The following METTL15 variants were observed in gnomAD, a reference collection of about 807,000 sequenced individuals.
METTL15 encodes 12S rRNA N(4)-cytidine methyltransferase METTL15.
Under a neutral mutation model 38.3 loss-of-function variants are expected in METTL15, and 34 were observed. That is an observed-to-expected ratio of 0.89 (90% confidence interval 0.68 to 1.18). The LOEUF (loss-of-function observed/expected upper bound fraction) is 1.18. METTL15 is among the 50% of genes most tolerant of loss of function. METTL15 has a pLI of 0.00. For synonymous variants in METTL15, 162 were observed against 170.9 expected (o/e 0.95, Z 0.41); for missense variants, 438 against 498.4 (o/e 0.88, Z 1.15).
intron 3 of METTL15, among the ~76,000 whole-genome samples, chr11:28,209,602 A>G (rs1206747231): frequency 1.3e-5 from 2 of 152,036 alleles, no homozygotes; most frequent in African/African-American, 2.4e-5. Flanking sequence ...CCACATTTAC[A>G]TCTTTTTATA....
chr11:28,143,471 A>T (rs540398312), intron 3 of METTL15, among the ~76,000 whole-genome samples: 2 of 152,150 alleles, frequency 1.3e-5, no homozygotes, highest in East Asian at 3.9e-4. Context: ...TTTTTCAAAA[A>T]CTACTGAAGA....
intron 4 of METTL15, among the ~76,000 whole-genome samples, chr11:28,287,031 TC>T (rs1269237114): frequency 6.6e-6 from 1 of 150,860 alleles, no homozygotes; most frequent in Non-Finnish European, 1.5e-5. Flanking sequence ...ATATGTACTC[TC>T]CGCACTATAT....
rs534520114 is a variant in METTL15 at position 28,377,645 on chromosome 11, T to A, written c.*358+15609T>A. ...CAGAGTAATTTGATCGTCTGAAGCC[T>A]TCTTCTCTCAGCTCGTCAAAGTCAT... On this transcript the variant is annotated intron_variant and NMD_transcript_variant, in intron 5 of 7. Transcript: ENST00000532947. Among the ~76,000 whole-genome samples, 78 of 152,292 alleles carry A rather than the reference T, an allele frequency of 5.1e-4. 1 individual carries two copies. The East Asian group carries it at 0.014, about 27-fold the overall frequency.
chr11:28,432,378 G>A (rs953025948), intron 6 of METTL15, among the ~76,000 whole-genome samples: 1 of 152,082 alleles, frequency 6.6e-6, no homozygotes, highest in African/African-American at 2.4e-5. Context: ...ATTCAACTAA[G>A]TCTACTTATG....
At chr11:28,362,415 T>A (rs923999593) in intron 5 of METTL15, among the ~76,000 whole-genome samples, 3 of 152,068 alleles carry the variant, frequency 2.0e-5, no homozygotes, top group African/African-American at 7.2e-5. Context: ...AGGCTTTGGG[T>A]CCTAATGATC....
chr11:28,373,534 G>T (rs1246210964), intron 5 of METTL15, among the ~76,000 whole-genome samples: 1 of 152,046 alleles, frequency 6.6e-6, no homozygotes, highest in Non-Finnish European at 1.5e-5. Flanking sequence ...GTCAGATGAG[G>T]AGGTTGCAAA....
chr11:28,246,493 C>A (rs1854519494), intron 4 of METTL15, among the ~76,000 whole-genome samples: 1 of 152,048 alleles, frequency 6.6e-6, no homozygotes, highest in Admixed American at 6.6e-5. Context: ...AAGCGAGCAA[C>A]TTTTGTACAT....
chr11:28,226,966 G>A (rs927796255), intron 4 of METTL15, among the ~76,000 whole-genome samples: 1 of 151,756 alleles, frequency 6.6e-6, no homozygotes, highest in African/African-American at 2.4e-5. Context: ...TTGAACTATT[G>A]ATGATGATCT....
At chr11:28,516,867 C>G (rs888754501) in intron 6 of METTL15, 1 of 152,198 alleles carries the variant, frequency 6.6e-6, no homozygotes, top group African/African-American at 2.4e-5. Flanking sequence ...CCATAGACAT[C>G]TAAAGCAGTG....
chr11:28,483,345 T>G (rs545565677), intron 6 of METTL15, among the ~76,000 whole-genome samples: 1 of 152,196 alleles, frequency 6.6e-6, no homozygotes, highest in Non-Finnish European at 1.5e-5. Flanking sequence ...TAGCTCCATC[T>G]GCTTATTTCA....
intron 6 of METTL15, among the ~76,000 whole-genome samples, chr11:28,321,672 A>G (rs1301666545): frequency 6.6e-6 from 1 of 152,110 alleles, no homozygotes; most frequent in Non-Finnish European, 1.5e-5. Flanking sequence ...TCTAAATTTA[A>G]TTTGGAGCAA....
intron 5 of METTL15, among the ~76,000 whole-genome samples, chr11:28,362,541 T>A (rs1158317398): frequency 6.6e-6 from 1 of 152,174 alleles, no homozygotes; most frequent in Non-Finnish European, 1.5e-5. Context: ...TTTATCATCA[T>A]GTATATTCAA....
intron 6 of METTL15, among the ~76,000 whole-genome samples, chr11:28,470,592 GT>G (rs777680448): frequency 8.1e-4 from 123 of 152,176 alleles, no homozygotes; most frequent in Non-Finnish European, 1.6e-3. Flanking sequence ...TGAATTCTGG[GT>G]TCCTGAAGCC....
rs548290716 is a variant in METTL15, at chr11:28,333,349, T to A, written c.*2508T>A. ...TGTTTTATAGTAATTCTTGCCTGCT[T>A]CTTAGTCTTTGTTGTAGGATGCATA... On this transcript the variant is annotated 3_prime_UTR_variant, in exon 7 of 7. Coordinates refer to ENST00000407364, the MANE Select transcript of METTL15 (RefSeq NM_001113528.2). 6.6e-6 allele frequency: 1 copy of A among 152,350 alleles called. No homozygotes were observed. The highest frequency in any genetic ancestry group is 2.1e-4 in the South Asian group (1 of 4,834). The allele number at this position is 152,350 out of a possible 1,614,324, so 9.4% of individuals were successfully genotyped here.
intron 3 of METTL15, among the ~76,000 whole-genome samples, chr11:28,204,330 C>T (rs928674800): frequency 6.6e-6 from 1 of 151,398 alleles, no homozygotes; most frequent in Non-Finnish European, 1.5e-5. Context: ...TCAGAAAGAG[C>T]AGAGAATTTA....
At chr11:28,316,643 G>C (rs1458145117) in intron 6 of METTL15, among the ~76,000 whole-genome samples, 1 of 152,148 alleles carries the variant, frequency 6.6e-6, no homozygotes, top group Non-Finnish European at 1.5e-5. Flanking sequence ...TTGGCTCTGT[G>C]TCCCCACCCA....
At position 28,115,942 on chromosome 11, in the gene METTL15, A is replaced by ACT. The variant is rs1215714907; in HGVS notation, c.270+2339_270+2340insTC. Among the ~76,000 whole-genome samples, 573 of 151,110 alleles carry ACT rather than the reference A, an allele frequency of 3.8e-3. 3 individuals are homozygous for ACT. Among genetic ancestry groups the ACT allele is most frequent in the African/African-American group, 0.014 (560 of 41,122 alleles). On this transcript the variant is annotated intron_variant, in intron 3 of 6. Coordinates refer to ENST00000407364, the MANE Select transcript of METTL15 (RefSeq NM_001113528.2). ...GACACACACACATACACATACACAC[A>ACT]CACACACACACACACACACACACAA...
chr11:28,355,252 G>C (rs373071703), intron 4 of METTL15, among the ~76,000 whole-genome samples: 1 of 152,184 alleles, frequency 6.6e-6, no homozygotes, highest in African/African-American at 2.4e-5. Flanking sequence ...TGTTCTGAAG[G>C]TGGCTCTTTT....
At chr11:28,128,626 A>G (rs547410982) in intron 3 of METTL15, among the ~76,000 whole-genome samples, 1 of 152,136 alleles carries the variant, frequency 6.6e-6, no homozygotes, top group Admixed American at 6.5e-5. Context: ...TTATTTTGCA[A>G]TGTTTTGCGT....
Sources: allele counts gnomAD v4.1 joint callset (sites outside exome capture counted in the v4.1 genomes callset), GRCh38; gene constraint gnomAD v4.1.1; transcripts MANE v1.5; gene names NCBI Gene and HGNC (gene_info 2026-07-23, HGNC 2026-07-21).